The following GOLPH3 variants were observed in gnomAD, a reference collection of about 807,000 sequenced individuals.
GOLPH3 encodes golgi phosphoprotein 3, also known as coat protein GPP34.
GOLPH3 carries 14 observed loss-of-function variants against 28.5 expected under a neutral mutation model. The ratio of observed to expected loss-of-function variants is 0.49; its 90% CI spans 0.32 to 0.77. The LOEUF is 0.77. GOLPH3 is among the 30% of genes least tolerant of loss of function. GOLPH3 has a pLI of 0.03. For synonymous variants in GOLPH3, 158 were observed against 159.2 expected (o/e 0.99, Z 0.06); for missense variants, 350 against 393.7 (o/e 0.89, Z 0.94).
intron 2 of GOLPH3, among the ~76,000 whole-genome samples, chr5:32,139,059 G>T (rs766571059): frequency 6.6e-6 from 1 of 152,066 alleles, no homozygotes; most frequent in African/African-American, 2.4e-5. Context: ...CCAGAGCCTG[G>T]GTATAGTGAA....
rs574755596 is a variant in GOLPH3 at position 32,174,091 on chromosome 5, C to T, written c.-57G>A. The T allele has an allele frequency of 2.4e-4, 272 of 1,146,418 alleles. 1 individual carries two copies. The highest frequency in any genetic ancestry group is 6.6e-6 in the Non-Finnish European group (6 of 910,004). 71.0% of individuals were successfully genotyped at this position (1,146,418 alleles called of 1,614,324 possible). On this transcript the variant is annotated 5_prime_UTR_variant, in exon 1 of 4. Coordinates refer to ENST00000265070, the MANE Select transcript of GOLPH3 (RefSeq NM_022130.4). ...AGGGTCGCAGGACCGACCGGGTCGC[C>T]CTCCTCCTCCCCGCGCGGCCTCCGA...
chr5:32,172,718 C>G (rs1277345643), intron 1 of GOLPH3, among the ~76,000 whole-genome samples: 1 of 150,770 alleles, frequency 6.6e-6, no homozygotes, highest in Non-Finnish European at 1.5e-5. Context: ...AACAAAAACA[C>G]AAAATTAGCC....
intron 1 of GOLPH3, among the ~76,000 whole-genome samples, chr5:32,162,632 G>C (rs1280301765): frequency 6.6e-6 from 1 of 152,178 alleles, no homozygotes; most frequent in Non-Finnish European, 1.5e-5. Context: ...TTAAATACTT[G>C]TCACTTGTCA....
rs1355768477 is a variant in GOLPH3 at position 32,143,834 on chromosome 5, C to A, written c.272G>T (p.Gly91Val). ...WNDCISSGLR[G>V]CMLIELALRG... Reference sequence around the variant, plus strand: ...CAATGCTAATTCAATTAACATACAGCCACGTAATCCAGATGATATACAGTC... The same window carrying A: ...CAATGCTAATTCAATTAACATACAGACACGTAATCCAGATGATATACAGTC... The change falls in exon 2 of 4, where the codon GGC becomes GTC. Residue 91 changes from glycine (G) to valine (V), a missense_variant. By Grantham distance (109) the Gly-to-Val change is moderately radical. Transcript: ENST00000265070. 1 of 1,597,322 alleles carries A rather than the reference C, an allele frequency of 6.3e-7. No individual in the cohort carries two copies. Among genetic ancestry groups the A allele is most frequent in the African/African-American group, 1.3e-5 (1 of 74,148 alleles).
In GOLPH3 at chr5:32,162,144, C is replaced by T. The variant is rs561101147; in HGVS notation, c.225+11666G>A. Reference sequence around the variant, plus strand: ...CAGGAATTACAAAAAGGAAACTGACCAGAGGTTCAGAACAAAGGTAGAGAT... The same window carrying T: ...CAGGAATTACAAAAAGGAAACTGACTAGAGGTTCAGAACAAAGGTAGAGAT... On this transcript the variant is annotated intron_variant, in intron 1 of 3. Transcript: ENST00000265070. Among the ~76,000 whole-genome samples the T allele has an allele frequency of 3.3e-5, 5 of 151,370 alleles. No individual in the cohort carries two copies. The East Asian group carries it at 9.7e-4, about 29-fold the overall frequency.
chr5:32,148,602 C>A (rs1456676108), intron 1 of GOLPH3, among the ~76,000 whole-genome samples: 1 of 152,114 alleles, frequency 6.6e-6, no homozygotes, highest in Non-Finnish European at 1.5e-5. Context: ...TCGAGACCAT[C>A]CTGGCTAACA....
At chr5:32,130,995 CT>C (rs1352469251) in intron 3 of GOLPH3, among the ~76,000 whole-genome samples, 2 of 152,140 alleles carry the variant, frequency 1.3e-5, no homozygotes, top group Non-Finnish European at 2.9e-5. Context: ...CACAGACCAC[CT>C]TCAAATAAAG....
In GOLPH3 at chr5:32,173,281, C is replaced by T. The variant is rs558814660; in HGVS notation, c.225+529G>A. Among the ~76,000 whole-genome samples, 4 of 152,056 alleles carry T rather than the reference C, an allele frequency of 2.6e-5. No homozygotes were observed. In the East Asian group the frequency reaches 5.8e-4, roughly 22 times the overall value. On this transcript the variant is annotated intron_variant, in intron 1 of 3. Transcript: ENST00000265070. Reference sequence around the variant, plus strand: ...ACTTTACTCAGTAAAAGAGCTTTTCCCTCTATTACCACTTCGCCTACGTTT... The same window carrying T: ...ACTTTACTCAGTAAAAGAGCTTTTCTCTCTATTACCACTTCGCCTACGTTT...
intron 3 of GOLPH3, among the ~76,000 whole-genome samples, chr5:32,127,271 A>G (rs578041187): frequency 7.9e-5 from 12 of 152,358 alleles, no homozygotes; most frequent in African/African-American, 2.9e-4. Context: ...AAGGAAATAC[A>G]CCAAAATATT....
Position 32,126,720 on chromosome 5 carries a change from C to A in GOLPH3, c.473-84G>T, listed in dbSNP as rs973660770. On this transcript the variant is annotated intron_variant, in intron 3 of 3. Transcript: ENST00000265070. ...ATTTTGTACTATTAAACAGTAAAAT[C>A]TGATTTTGCCCCAAGAAAAACAGAA... The A allele has an allele frequency of 4.8e-6, 5 of 1,043,292 alleles. No homozygotes were observed. The African/African-American group carries it at 8.1e-5, about 17-fold the overall frequency. The allele number at this position is 1,043,292 out of a possible 1,614,324, so 64.6% of individuals were successfully genotyped here.
chr5:32,132,209 G>A (rs1002033739), intron 3 of GOLPH3, among the ~76,000 whole-genome samples: 2 of 152,064 alleles, frequency 1.3e-5, no homozygotes, highest in Non-Finnish European at 2.9e-5. Flanking sequence ...TCAAACTTAT[G>A]TATACTAATT....
chr5:32,149,096 GGCAC>G (rs1746246592), intron 1 of GOLPH3, among the ~76,000 whole-genome samples: 1 of 152,256 alleles, frequency 6.6e-6, no homozygotes, highest in Non-Finnish European at 1.5e-5. Context: ...ATATGGGCAT[GGCAC>G]TGGAGCTGTA....
At chr5:32,153,594 T>C (rs1401929155) in intron 1 of GOLPH3, among the ~76,000 whole-genome samples, 2 of 152,204 alleles carry the variant, frequency 1.3e-5, no homozygotes, top group Non-Finnish European at 2.9e-5. Flanking sequence ...ATGTTGACAT[T>C]TTTATTTTGA....
At chr5:32,142,925 C>T (rs1225397945) in intron 2 of GOLPH3, among the ~76,000 whole-genome samples, 1 of 151,154 alleles carries the variant, frequency 6.6e-6, no homozygotes, top group Non-Finnish European at 1.5e-5. Flanking sequence ...CCCCTCTGCC[C>T]GGCCACCACC....
intron 1 of GOLPH3, among the ~76,000 whole-genome samples, chr5:32,164,465 C>T (rs1459303756): frequency 6.6e-6 from 1 of 151,526 alleles, no homozygotes; most frequent in African/African-American, 2.4e-5. Flanking sequence ...GCGATATGGG[C>T]TCACTGCAAG....
intron 1 of GOLPH3, among the ~76,000 whole-genome samples, chr5:32,173,451 C>A (rs1174319927): frequency 1.3e-5 from 2 of 152,068 alleles, no homozygotes; most frequent in Non-Finnish European, 2.9e-5. Context: ...CTGTTAGTTT[C>A]CCGGGCAGTC....
intron 1 of GOLPH3, among the ~76,000 whole-genome samples, chr5:32,155,919 T>C (rs1746410766): frequency 8.4e-6 from 1 of 119,722 alleles, no homozygotes; most frequent in Admixed American, 1.2e-4. Context: ...ATTGAGCCAC[T>C]GCACTCCAGC....
At chr5:32,164,120 T>A (rs1352667772) in intron 1 of GOLPH3, among the ~76,000 whole-genome samples, 2 of 152,218 alleles carry the variant, frequency 1.3e-5, no homozygotes, top group East Asian at 1.9e-4. Flanking sequence ...ATGCTAAAAT[T>A]GTTCCTCTTC....
At chr5:32,165,767 A>G (rs1262231466) in intron 1 of GOLPH3, among the ~76,000 whole-genome samples, 1 of 152,194 alleles carries the variant, frequency 6.6e-6, no homozygotes, top group Non-Finnish European at 1.5e-5. Flanking sequence ...GAATGGATGA[A>G]AACTGTTAGA....
Sources: allele counts gnomAD v4.1 joint callset (sites outside exome capture counted in the v4.1 genomes callset), GRCh38; gene constraint gnomAD v4.1.1; transcripts MANE v1.5; gene names NCBI Gene and HGNC (gene_info 2026-07-23, HGNC 2026-07-21).